Variants in KLRC1 observed in about 807,000 individuals in gnomAD.
KLRC1 encodes the protein killer cell lectin like receptor C1.
KLRC1 carries 22 observed loss-of-function variants against 25.9 expected under a neutral mutation model. The ratio of observed to expected loss-of-function variants is 0.85; its 90% CI spans 0.61 to 1.21. The LOEUF (loss-of-function observed/expected upper bound fraction) is 1.21, where lower values mean the gene tolerates loss of function less well. KLRC1 is among the 50% of genes most tolerant of loss of function. The pLI is 0.00. For missense variants in KLRC1, 240 were observed against 272.2 expected, an observed-to-expected ratio of 0.88 and a Z score of 0.83; for synonymous variants, 77 against 93.1, an observed-to-expected ratio of 0.83 and a Z score of 0.99.
chr12:10,450,632 T>C (rs1416714680), intron 2 of KLRC1, 53 bp from the exon 3 acceptor site: 15 of 1,160,922 alleles, frequency 1.3e-5, no homozygotes, highest in Non-Finnish European at 1.5e-5. Context: ...TACAGTCGTT[T>C]AGAAGATTCA....
In KLRC1 at chr12:10,449,310, G is replaced by T; in HGVS notation, c.416C>A (p.Thr139Asn). ...ACAGGCCAGCAAACTCTCTTCCCAA[G>T]TTCTTCTTTCCTTACCAATGTAGTA... Reference protein sequence around the residue: ...SCYYIGKERRTWEESLLACTS... With the variant: ...SCYYIGKERRNWEESLLACTS... Residue 139 changes from threonine to asparagine, a missense_variant, in exon 5 of 7, where the codon ACT becomes AAT. Thr to Asn is a moderately conservative substitution (Grantham distance 65, BLOSUM62 0). Coordinates refer to ENST00000359151, the MANE Select transcript of KLRC1 (RefSeq NM_002259.5). 6.2e-7 allele frequency: 1 copy of T among 1,613,842 alleles called. No individual in the cohort carries two copies. Among genetic ancestry groups the T allele is most frequent in the Non-Finnish European group, 8.5e-7 (1 of 1,179,872 alleles).
At chr12:10,447,510 A>T in intron 6 of KLRC1, 22 bp downstream of exon 6, 1 of 1,527,682 alleles carries the variant, frequency 6.5e-7, no homozygotes, top group Non-Finnish European at 9.0e-7. Flanking sequence ...ATTGTTATAT[A>T]GCGCCATACA....
intron 1 of KLRC1, among the ~76,000 whole-genome samples, chr12:10,451,799 ATGT>A (rs1864132302): frequency 6.6e-6 from 1 of 152,172 alleles, no homozygotes; most frequent in South Asian, 2.1e-4. Context: ...AAAAATTAAA[ATGT>A]TGTATTAGAA....
At chr12:10,451,547 T>G (rs556464789) in intron 1 of KLRC1, among the ~76,000 whole-genome samples, 122 of 151,984 alleles carry the variant, frequency 8.0e-4, no homozygotes, top group African/African-American at 2.6e-3. Context: ...TCCTAGCTAC[T>G]CGGGAGGCTG....
intron 1 of KLRC1, among the ~76,000 whole-genome samples, chr12:10,452,314 AG>A (rs1017843692): frequency 6.6e-6 from 1 of 152,198 alleles, no homozygotes; most frequent in African/African-American, 2.4e-5. Flanking sequence ...AGGCCACTTT[AG>A]TTGTATAAGT....
chr12:10,445,626 AT>A (rs930362585), downstream of KLRC1, among the ~76,000 whole-genome samples: 5 of 152,204 alleles, frequency 3.3e-5, no homozygotes, highest in Admixed American at 6.5e-5. Flanking sequence ...GATTAAAAAA[AT>A]AAAAGTGTGA....
At chr12:10,451,879 CAT>C (rs1434942196) in intron 1 of KLRC1, among the ~76,000 whole-genome samples, 2 of 151,864 alleles carry the variant, frequency 1.3e-5, no homozygotes, top group East Asian at 1.9e-4. Flanking sequence ...GTGGTCTGCA[CAT>C]GAGTAATAGT....
At position 10,451,379 on chromosome 12, in the gene KLRC1, C is replaced by T. The variant is rs928403344; in HGVS notation, c.-31-192G>A. 7.6e-5 allele frequency: 26 copies of T among 342,644 alleles called. No individual in the cohort carries two copies. The East Asian group carries it at 1.2e-3, about 16-fold the overall frequency. 21.2% of individuals were successfully genotyped at this position (342,644 alleles called of 1,614,324 possible). On this transcript the variant is annotated intron_variant, in intron 1 of 6. Transcript: ENST00000359151. ...TTGTTTTAAAAAAAGATTTTTAGGC[C>T]GGGCGCGGTGGCTCACGCCTGTAAT...
At chr12:10,449,595 C>T (rs1864077981) in intron 4 of KLRC1, among the ~76,000 whole-genome samples, 1 of 152,088 alleles carries the variant, frequency 6.6e-6, no homozygotes. Flanking sequence ...AATTGTGTTC[C>T]CATATAAAGC....
Position 10,446,330 on chromosome 12 carries a change from C to T in KLRC1, c.*221G>A. The T allele has an allele frequency of 8.0e-7, 1 of 1,256,170 alleles. No homozygotes were observed. The highest frequency in any genetic ancestry group is 1.9e-5 in the South Asian group (1 of 52,292). The allele number at this position is 1,256,170 out of a possible 1,614,324, so 77.8% of individuals were successfully genotyped here. On this transcript the variant is annotated 3_prime_UTR_variant, in exon 7 of 7. Transcript: ENST00000359151. ...ACATAACATGCAACTTTTAGAAAGG[C>T]TGAAAACCACAAATACCATGTTGAG...
intron 1 of KLRC1, 121 bp downstream of exon 1, chr12:10,453,077 G>T: frequency 3.7e-6 from 1 of 266,798 alleles, no homozygotes; most frequent in Non-Finnish European, 5.8e-6. Context: ...AATGAAGACA[G>T]CAATATTCTA....
chr12:10,443,126 G>C (rs1350871050), downstream of KLRC1, among the ~76,000 whole-genome samples: 1 of 140,090 alleles, frequency 7.1e-6, no homozygotes, highest in Non-Finnish European at 1.6e-5. Context: ...TAATTTAATT[G>C]TACTTTTAAA....
At position 10,451,123 on chromosome 12, in the gene KLRC1, T is replaced by A. The variant is rs1010148751; in HGVS notation, c.34A>T (p.Asn12Tyr). The A allele has an allele frequency of 8.1e-6, 13 of 1,613,900 alleles. No individual in the cohort carries two copies. The highest frequency in any genetic ancestry group is 1.0e-5 in the Non-Finnish European group (12 of 1,179,984). ...TGCCTCTTTGGGTTTGGGGGCAGAT[T>A]CAGGTCTGAGTAGATTACTCCTTGG... ...DNQGVIYSDL[N>Y]LPPNPKRQQR... Residue 12 changes from asparagine (N) to tyrosine (Y), a missense_variant, in exon 2 of 7, where the codon AAT becomes TAT. By Grantham distance (143) the Asn-to-Tyr change is moderately radical (BLOSUM62 -2). Coordinates refer to ENST00000359151, the MANE Select transcript of KLRC1 (RefSeq NM_002259.5).
chr12:10,449,885 A>G, intron 4 of KLRC1, 29 bp downstream of exon 4: 1 of 1,412,018 alleles, frequency 7.1e-7, no homozygotes, highest in Non-Finnish European at 9.4e-7. Flanking sequence ...AAACTGTACA[A>G]TATTAAAACT....
downstream of KLRC1, among the ~76,000 whole-genome samples, chr12:10,443,481 G>C (rs1352039615): frequency 1.2e-4 from 1 of 8,556 alleles, no homozygotes; most frequent in Non-Finnish European, 3.8e-4. Context: ...CAAACCACTA[G>C]TAATATACAT....
downstream of KLRC1, among the ~76,000 whole-genome samples, chr12:10,445,660 G>A (rs4542495): frequency 0.39 from 58,569 of 151,816 alleles, 12,507 homozygotes; most frequent in East Asian, 0.54. Context: ...AAAATTGCTC[G>A]TTATATAGAA....
chr12:10,450,295 T>A, intron 3 of KLRC1, 189 bp downstream of exon 3: 1 of 515,862 alleles, frequency 1.9e-6, no homozygotes, highest in South Asian at 3.3e-5. Flanking sequence ...TACGATTGCA[T>A]CAGAAGCGAA....
At position 10,451,048 on chromosome 12, in the gene KLRC1, C is replaced by T. The variant is rs1375633111; in HGVS notation, c.109G>A (p.Glu37Lys). ...AGGTTTAATTCCGCATAGGTTATTT[C>T]CTGTTCAGTTGCTAAAATGGAGTTT... is the stretch of plus-strand genomic sequence containing the variant. ...NKNSILATEQ[E>K]ITYAELNLQK... The change falls in exon 2 of 7, where the codon GAA (glutamate) becomes AAA (lysine). Residue 37 changes from glutamate (E) to lysine (K), a missense_variant. By Grantham distance (56) the Glu-to-Lys change is moderately conservative. Transcript: ENST00000359151. 6.2e-7 allele frequency: 1 copy of T among 1,614,018 alleles called. No homozygotes were observed. Among genetic ancestry groups the T allele is most frequent in the Non-Finnish European group, 8.5e-7 (1 of 1,179,990 alleles).
In KLRC1 at chr12:10,453,372, G is replaced by C; in HGVS notation, c.-206C>G. 1 of 985,326 alleles carries C rather than the reference G, an allele frequency of 1.0e-6. No individual in the cohort carries two copies. Among genetic ancestry groups the C allele is most frequent in the Non-Finnish European group, 1.2e-6 (1 of 829,844 alleles). The allele number at this position is 985,326 out of a possible 1,614,324, so 61.0% of individuals were successfully genotyped here. On this transcript the variant is annotated 5_prime_UTR_variant, in exon 1 of 7. Coordinates refer to ENST00000359151, the MANE Select transcript of KLRC1 (RefSeq NM_002259.5). ...CCTGTGAAGGCTCAGAGTGAGTCAAGAGTGGAAAAAGTAGATTTCTCATCA... is the reference window on the plus strand; with the variant it reads ...CCTGTGAAGGCTCAGAGTGAGTCAACAGTGGAAAAAGTAGATTTCTCATCA...
Sources: gnomAD v4.1 joint callset for allele counts (sites outside exome capture counted in the v4.1 genomes callset) on GRCh38, gnomAD v4.1.1 for gene constraint, MANE v1.5 for transcripts, NCBI Gene and HGNC (gene_info 2026-07-23, HGNC 2026-07-21) for gene names.